The following SYTL2 variants were observed in gnomAD, a reference collection of about 807,000 sequenced individuals.
The protein encoded by SYTL2 is synaptotagmin like 2.
In SYTL2, 165 loss-of-function variants were observed where a neutral mutation model predicts 198.7. The observed-to-expected ratio is 0.83, with a 90% CI of 0.73 to 0.94. The LOEUF (loss-of-function observed/expected upper bound fraction) is 0.94, where lower values mean the gene tolerates loss of function less well. Ranked by LOEUF, SYTL2 falls within the 40% of genes least tolerant of loss-of-function variation. The probability of loss-of-function intolerance (pLI) is 0.00; values close to 1 mark genes in which losing one functional copy is unlikely to be tolerated. For missense variants in SYTL2, 2,835 were observed against 2,582.8 expected (o/e 1.10, Z -2.12); for synonymous variants, 966 against 917.7 (o/e 1.05, Z -0.95).
At chr11:85,790,845 C>T (rs1027260491) in intron 1 of SYTL2, among the ~76,000 whole-genome samples, 3 of 151,996 alleles carry the variant, frequency 2.0e-5, no homozygotes, top group Non-Finnish European at 4.4e-5. Context: ...TTCATGTGAA[C>T]AAATGTGTAT....
upstream of SYTL2, among the ~76,000 whole-genome samples, chr11:85,814,669 C>T (rs776407795): frequency 6.6e-6 from 1 of 152,160 alleles, no homozygotes; most frequent in Non-Finnish European, 1.5e-5. Flanking sequence ...GAAATTTAAC[C>T]CCTAACACCA....
chr11:85,802,945 C>T (rs908869506), intron 1 of SYTL2, among the ~76,000 whole-genome samples: 3 of 152,154 alleles, frequency 2.0e-5, no homozygotes, highest in Non-Finnish European at 4.4e-5. Context: ...ATTTCCACTA[C>T]AAAGTGGCCT....
At chr11:85,711,015 G>A in intron 13 of SYTL2, 98 bp downstream of exon 13, 1 of 1,328,448 alleles carries the variant, frequency 7.5e-7, no homozygotes, top group Non-Finnish European at 1.0e-6. Context: ...TGTGCCCTGA[G>A]AAATACAGGA....
At chr11:85,817,525 A>C in the SYTL2 span, among the ~76,000 whole-genome samples, 1 of 152,188 alleles carries the variant, frequency 6.6e-6, no homozygotes, top group African/African-American at 2.4e-5. Context: ...TTTACTTTTT[A>C]GTGTGGCTAC....
In SYTL2 at chr11:85,714,437, A is replaced by G; in HGVS notation, c.5601T>C (p.Ser1867=). The change falls in exon 12 of 20, where the codon TCT becomes TCC. Residue 1867 remains serine (S), a synonymous_variant. Transcript: ENST00000359152. ...HPDKLKRMSK[S]VPAFLQDESD... ...CCTCATCTTGGAGAAATGCTGGAAC[A>G]GACTTGCTCATCCTTTTGAGTTTGT... The G allele has an allele frequency of 6.2e-7, 1 of 1,613,696 alleles. No individual in the cohort carries two copies. Among genetic ancestry groups the G allele is most frequent in the Non-Finnish European group, 8.5e-7 (1 of 1,179,610 alleles).
At chr11:85,812,383 G>T (rs1008419082), upstream of SYTL2, among the ~76,000 whole-genome samples, 1 of 152,224 alleles carries the variant, frequency 6.6e-6, no homozygotes, top group African/African-American at 2.4e-5. Context: ...AAGAGTCCTG[G>T]CACTGTGCAG....
At chr11:85,832,718 T>C in the SYTL2 span, among the ~76,000 whole-genome samples, 1 of 151,946 alleles carries the variant, frequency 6.6e-6, no homozygotes, top group Admixed American at 6.6e-5. Flanking sequence ...AGGCCTAGTT[T>C]AGTGGTCCAT....
intron 16 of SYTL2, among the ~76,000 whole-genome samples, chr11:85,703,760 T>C (rs1257153191): frequency 1.3e-5 from 2 of 152,138 alleles, no homozygotes; most frequent in African/African-American, 4.8e-5. Context: ...CTTAAAAATA[T>C]ATACAATTAA....
At chr11:85,851,711 T>G in the SYTL2 span, among the ~76,000 whole-genome samples, 1 of 152,356 alleles carries the variant, frequency 6.6e-6, no homozygotes, top group African/African-American at 2.4e-5. Flanking sequence ...GGGCCCAGGC[T>G]CTCATAATAG....
In SYTL2 at chr11:85,724,162, A is replaced by G. The variant is rs1188913336; in HGVS notation, c.5196T>C (p.Ser1732=). The G allele has an allele frequency of 1.9e-6, 3 of 1,604,418 alleles. No individual in the cohort carries two copies. Among genetic ancestry groups the G allele is most frequent in the Non-Finnish European group, 2.5e-6 (3 of 1,177,750 alleles). Residue 1732 remains serine, a synonymous_variant, in exon 8 of 20, where the codon AGT becomes AGC. Transcript: ENST00000359152. Reference sequence around the variant, plus strand: ...GCGATGCTAGAGTCAATTCAACTTTACTTGTTTTTGTAGAGTTTTCTTTGT... The same window carrying G: ...GCGATGCTAGAGTCAATTCAACTTTGCTTGTTTTTGTAGAGTTTTCTTTGT... The part of the protein sequence containing the change: ...LMNKENSTKT[S]KVELTLASPY...
intron 1 of SYTL2, among the ~76,000 whole-genome samples, chr11:85,797,831 C>G (rs930592): frequency 0.45 from 68,279 of 151,236 alleles, 16,260 homozygotes; most frequent in African/African-American, 0.6. Context: ...CTCAAGACCA[C>G]AAAGTTTTTG....
the SYTL2 span, among the ~76,000 whole-genome samples, chr11:85,830,318 A>G: frequency 3.3e-5 from 5 of 152,272 alleles, no homozygotes; most frequent in African/African-American, 1.2e-4. Flanking sequence ...TGACTAGCCA[A>G]TTGTGCACTT....
intron 1 of SYTL2, among the ~76,000 whole-genome samples, chr11:85,803,373 C>T (rs538717164): frequency 1.3e-5 from 2 of 152,142 alleles, no homozygotes; most frequent in Admixed American, 1.3e-4. Flanking sequence ...CCAAAATAAA[C>T]TGTAATTAAG....
chr11:85,695,439 G>T, intron 19 of SYTL2, 99 bp from the exon 20 acceptor site: 1 of 1,019,558 alleles, frequency 9.8e-7, no homozygotes, highest in South Asian at 2.0e-5. Context: ...GTGGAAGCTA[G>T]GAGGAGCTTT....
intron 1 of SYTL2, among the ~76,000 whole-genome samples, chr11:85,776,028 A>G (rs1027479793): frequency 1.4e-4 from 22 of 151,848 alleles, no homozygotes; most frequent in Non-Finnish European, 2.9e-5. Context: ...ATAGATTAAT[A>G]CTCTCCTTCA....
intron 1 of SYTL2, among the ~76,000 whole-genome samples, chr11:85,768,894 A>G (rs900024020): frequency 6.6e-6 from 1 of 152,170 alleles, no homozygotes; most frequent in Non-Finnish European, 1.5e-5. Context: ...CAAGAGTTTG[A>G]TATCTTGGTC....
chr11:85,793,201 C>T (rs1489382299), intron 1 of SYTL2, among the ~76,000 whole-genome samples: 1 of 151,474 alleles, frequency 6.6e-6, no homozygotes, highest in Non-Finnish European at 1.5e-5. Context: ...GAGGAATCGC[C>T]ACACTGACTT....
intron 1 of SYTL2, among the ~76,000 whole-genome samples, chr11:85,800,968 T>C (rs973703484): frequency 1.3e-5 from 2 of 152,186 alleles, no homozygotes; most frequent in Admixed American, 6.5e-5. Context: ...CCCTCCAGCA[T>C]AGATAAAGCA....
At chr11:85,764,445 A>G (rs547097773) in intron 1 of SYTL2, among the ~76,000 whole-genome samples, 1 of 152,330 alleles carries the variant, frequency 6.6e-6, no homozygotes, top group South Asian at 2.1e-4. Context: ...CTCAACCAGG[A>G]TATGATTTGA....
Sources: allele counts gnomAD v4.1 joint callset (sites outside exome capture counted in the v4.1 genomes callset), GRCh38; gene constraint gnomAD v4.1.1; transcripts MANE v1.5; gene names NCBI Gene and HGNC (gene_info 2026-07-23, HGNC 2026-07-21).